The following TAF12 variants were observed in gnomAD, a reference collection of about 807,000 sequenced individuals.
TAF12 encodes TATA-box binding protein associated factor 12.
A neutral mutation model predicts 20.8 loss-of-function variants in TAF12; 3 were observed. The ratio of observed to expected loss-of-function variants is 0.14; its 90% CI spans 0.07 to 0.37. TAF12 has a LOEUF of 0.37. Among genes scored for constraint, TAF12 ranks in the 10% least tolerant of loss-of-function variants. TAF12 has a pLI of 1.00. For synonymous variants in TAF12, 69 were observed against 70.2 expected, an observed-to-expected ratio of 0.98 and a Z score of 0.09; for missense variants, 131 against 197.9, an observed-to-expected ratio of 0.66 and a Z score of 2.03.
chr1:28,603,491 C>A lies in TAF12; in HGVS notation c.*48G>T. On this transcript the variant is annotated 3_prime_UTR_variant, in exon 6 of 6. Transcript: ENST00000373824. ...GGATGAGATGGCTGAGTTCTCAGCT[C>A]AAGTATCTCCAAATACATTGCTGTC... is the stretch of plus-strand genomic sequence containing the variant. 1 of 1,606,356 alleles carries A rather than the reference C, an allele frequency of 6.2e-7. No individual in the cohort carries two copies. The highest frequency in any genetic ancestry group is 1.1e-5 in the South Asian group (1 of 90,710).
intron 4 of TAF12, among the ~76,000 whole-genome samples, chr1:28,608,223 T>G (rs1293880827): frequency 6.9e-6 from 1 of 145,128 alleles, no homozygotes; most frequent in African/African-American, 2.6e-5. Context: ...CGGGCGCCTG[T>G]AGTCCCAGCT....
At chr1:28,625,444 C>T (rs1426011215) in intron 1 of TAF12, among the ~76,000 whole-genome samples, 1 of 151,942 alleles carries the variant, frequency 6.6e-6, no homozygotes, top group Non-Finnish European at 1.5e-5. Context: ...AATCATGGTT[C>T]ACTGCAGACT....
In TAF12 at chr1:28,621,919, T is replaced by G. The variant is rs200737548; in HGVS notation, c.163A>C (p.Asn55His). The stretch of plus-strand genomic sequence containing the variant: ...AAAGAGTAAGAGGATGATACCTGAT[T>G]GTTTTCAGGGCTAAGACGACCTCCT... ...GAGGRLSPEN[N>H]QVLTKKKLQD... is the part of the protein sequence containing the mutation. Residue 55 changes from asparagine (N) to histidine (H), a missense_variant, in exon 2 of 6, where the codon AAT becomes CAT. By Grantham distance (68) the Asn-to-His change is moderately conservative. Around this residue, in one of 3 missense-constraint regions of TAF12, gnomAD observed 63 missense variants for 72.1 expected, o/e 0.87. Transcript: ENST00000373824. 1 of 1,613,222 alleles carries G rather than the reference T, an allele frequency of 6.2e-7. No individual in the cohort carries two copies. Among genetic ancestry groups the G allele is most frequent in the East Asian group, 2.2e-5 (1 of 44,842 alleles).
intron 4 of TAF12, among the ~76,000 whole-genome samples, chr1:28,606,854 T>C (rs1019472728): frequency 2.6e-5 from 4 of 152,212 alleles, no homozygotes; most frequent in Admixed American, 6.5e-5. Context: ...ATTTTTTATG[T>C]AGCTGTAACA....
chr1:28,648,222 A>C, exon 1 of TAF12: 1 of 985,214 alleles, frequency 1.0e-6, no homozygotes, highest in East Asian at 1.1e-4. Flanking sequence ...GAGAGCCGGT[A>C]TTCCAACGCC....
chr1:28,626,577 G>A lies in TAF12; in HGVS notation c.-84-4412C>T, dbSNP rs1027802481. On this transcript the variant is annotated intron_variant, in intron 1 of 5. Transcript: ENST00000373824. ...GCCCGCGCAACAAGAGTGAAACTCT[G>A]TCTCAAAAAAAAAAAAAAAAAAGCA... Among the ~76,000 whole-genome samples the A allele has an allele frequency of 1.2e-4, 16 of 129,112 alleles. 1 individual carries two copies. Among genetic ancestry groups the A allele is most frequent in the Admixed American group, 7.6e-4 (9 of 11,858 alleles). 84.7% of individuals were successfully genotyped at this position (129,112 alleles called of 152,430 possible). A position where few individuals can be genotyped will look rare whatever the true frequency, so the allele number is the denominator to read the frequency against.
chr1:28,646,494 C>T (rs1413633558), upstream of TAF12: 1 of 152,106 alleles, frequency 6.6e-6, no homozygotes, highest in African/African-American at 2.4e-5. Context: ...AAATACCTAA[C>T]AGTCTATATT....
chr1:28,641,592 G>C (rs903188949), intron 1 of TAF12, among the ~76,000 whole-genome samples: 9 of 152,098 alleles, frequency 5.9e-5, no homozygotes, highest in South Asian at 2.1e-4. Context: ...TTAGGAGTTT[G>C]AGACCAGCCT....
intron 2 of TAF12, among the ~76,000 whole-genome samples, chr1:28,620,554 G>C (rs943828319): frequency 2.6e-5 from 4 of 152,082 alleles, no homozygotes; most frequent in African/African-American, 9.7e-5. Flanking sequence ...TCCTGCCTCA[G>C]CCTCCCGAGT....
chr1:28,622,567 G>C (rs964288526), intron 1 of TAF12, among the ~76,000 whole-genome samples: 3 of 152,044 alleles, frequency 2.0e-5, no homozygotes, highest in African/African-American at 7.2e-5. Flanking sequence ...AAGGAAGCAA[G>C]TAAATGAAAT....
At chr1:28,624,090 G>A in intron 1 of TAF12, 1 of 799,380 alleles carries the variant, frequency 1.3e-6, no homozygotes, top group African/African-American at 1.9e-5. Context: ...TTAGTTGAAT[G>A]GCCTGGTACA....
At chr1:28,628,230 G>T (rs1204699757) in intron 1 of TAF12, among the ~76,000 whole-genome samples, 1 of 74,318 alleles carries the variant, frequency 1.3e-5, no homozygotes, top group African/African-American at 5.4e-5. Flanking sequence ...GCAGGGGGTG[G>T]GGGGGGGGGG....
intron 4 of TAF12, among the ~76,000 whole-genome samples, chr1:28,610,540 C>T (rs1286187628): frequency 6.6e-6 from 1 of 152,026 alleles, no homozygotes. Flanking sequence ...GTCTTGAACT[C>T]CTGGGCTGAA....
At chr1:28,637,211 A>G (rs1209560803) in intron 1 of TAF12, among the ~76,000 whole-genome samples, 1 of 152,152 alleles carries the variant, frequency 6.6e-6, no homozygotes, top group African/African-American at 2.4e-5. Flanking sequence ...CACATCTGTA[A>G]TTAGGAGTTG....
At chr1:28,629,602 C>T (rs1374966533) in intron 1 of TAF12, among the ~76,000 whole-genome samples, 2 of 152,116 alleles carry the variant, frequency 1.3e-5, no homozygotes, top group Admixed American at 6.6e-5. Flanking sequence ...TCCCATAGTG[C>T]TGGGATTACA....
intron 3 of TAF12, 87 bp downstream of exon 3, chr1:28,617,866 C>T: frequency 7.9e-7 from 1 of 1,270,228 alleles, no homozygotes; most frequent in Non-Finnish European, 1.1e-6. Flanking sequence ...AGGCATGAGC[C>T]ACTGCATCTG....
intron 5 of TAF12, 75 bp from the exon 6 acceptor site, chr1:28,603,649 T>C: frequency 6.6e-7 from 1 of 1,507,388 alleles, no homozygotes; most frequent in Non-Finnish European, 9.2e-7. Flanking sequence ...TCTGTGTGGC[T>C]AGCAGGCCTC....
chr1:28,633,367 C>T (rs897198801), intron 1 of TAF12, among the ~76,000 whole-genome samples: 1 of 145,774 alleles, frequency 6.9e-6, no homozygotes, highest in Non-Finnish European at 1.5e-5. Context: ...GGCATTTCGT[C>T]ATGTTGGCCA....
At chr1:28,634,993 G>A (rs1431734701) in intron 1 of TAF12, among the ~76,000 whole-genome samples, 2 of 151,464 alleles carry the variant, frequency 1.3e-5, no homozygotes, top group Admixed American at 1.3e-4. Flanking sequence ...TTGGGAGGCC[G>A]AGGCAGGCGG....
Sources: allele counts gnomAD v4.1 joint callset (sites outside exome capture counted in the v4.1 genomes callset), GRCh38; gene constraint gnomAD v4.1.1; regional missense constraint gnomAD v4.1.1; transcripts MANE v1.5; gene names NCBI Gene and HGNC (gene_info 2026-07-23, HGNC 2026-07-21).